DPP10: variants seen among roughly 807,000 people sequenced by gnomAD.
The protein encoded by DPP10 is inactive dipeptidyl peptidase 10.
A neutral mutation model predicts 120.9 loss-of-function variants in DPP10; 33 were observed. The observed-to-expected ratio is 0.27, with a 90% confidence interval of 0.21 to 0.37. The LOEUF is 0.37. Among genes scored for constraint, DPP10 ranks in the 10% least tolerant of loss-of-function variants. The pLI, the probability that DPP10 is intolerant of heterozygous loss-of-function variation, is 1.00. For missense variants in DPP10, 816 were observed against 942.8 expected (o/e 0.87, Z 1.76); for synonymous variants, 337 against 326.1 (o/e 1.03, Z -0.36).
intron 24 of DPP10, among the ~76,000 whole-genome samples, chr2:115,838,869 G>C (rs1486587254): frequency 6.6e-6 from 1 of 152,148 alleles, no homozygotes; most frequent in African/African-American, 2.4e-5. Context: ...TAGGTGCTCA[G>C]TCATGACACT....
intron 1 of DPP10, among the ~76,000 whole-genome samples, chr2:114,800,623 T>C (rs1684110609): frequency 6.6e-6 from 1 of 152,230 alleles, no homozygotes; most frequent in Non-Finnish European, 1.5e-5. Flanking sequence ...CTGATTGTTA[T>C]TGTTCTTCTA....
At chr2:114,946,452 A>G (rs1399264117) in intron 1 of DPP10, among the ~76,000 whole-genome samples, 1 of 152,190 alleles carries the variant, frequency 6.6e-6, no homozygotes, top group Non-Finnish European at 1.5e-5. Context: ...ACACTGAACA[A>G]ATAGTTAAGA....
At chr2:115,565,517 C>T (rs1384975468) in intron 5 of DPP10, among the ~76,000 whole-genome samples, 1 of 151,918 alleles carries the variant, frequency 6.6e-6, no homozygotes, top group Non-Finnish European at 1.5e-5. Flanking sequence ...TCATATTTTG[C>T]CAATTGTTCT....
intron 5 of DPP10, among the ~76,000 whole-genome samples, chr2:115,662,910 T>C (rs1051424841): frequency 2.6e-5 from 4 of 152,212 alleles, no homozygotes; most frequent in African/African-American, 9.6e-5. Flanking sequence ...GTGTTCTTAC[T>C]GTATTTGAGC....
intron 1 of DPP10, among the ~76,000 whole-genome samples, chr2:114,667,407 T>A (rs1171559420): frequency 6.6e-6 from 1 of 152,222 alleles, no homozygotes; most frequent in Non-Finnish European, 1.5e-5. Context: ...AGCTCCTTCT[T>A]CTAACATGCC....
At chr2:115,415,063 T>C (rs1235992004) in intron 3 of DPP10, among the ~76,000 whole-genome samples, 1 of 152,182 alleles carries the variant, frequency 6.6e-6, no homozygotes, top group African/African-American at 2.4e-5. Context: ...TTCTGTTCTT[T>C]AACTATCACT....
intron 3 of DPP10, among the ~76,000 whole-genome samples, chr2:115,428,508 A>G (rs1215993751): frequency 6.6e-6 from 1 of 152,120 alleles, no homozygotes. Context: ...AAGGTGAAGC[A>G]GGAGCTTGCA....
At chr2:115,384,451 AGAAGAAG>A (rs2066706071) in intron 3 of DPP10, among the ~76,000 whole-genome samples, 1 of 47,416 alleles carries the variant, frequency 2.1e-5, no homozygotes, top group African/African-American at 5.5e-5. Flanking sequence ...AGGAGGAAGA[AGAAGAAG>A]GAAGAAGAAG....
At chr2:115,654,023 T>G in intron 5 of DPP10, among the ~76,000 whole-genome samples, 1 of 151,806 alleles carries the variant, frequency 6.6e-6, no homozygotes, top group Admixed American at 6.6e-5. Context: ...GAATAAAAAT[T>G]TTAAAATTCG....
At chr2:114,794,978 A>G (rs1216555508) in intron 1 of DPP10, among the ~76,000 whole-genome samples, 1 of 152,190 alleles carries the variant, frequency 6.6e-6, no homozygotes, top group Non-Finnish European at 1.5e-5. Context: ...GGCAGTCATT[A>G]ATACTTTTGT....
chr2:114,795,069 C>G (rs1683586898), intron 1 of DPP10, among the ~76,000 whole-genome samples: 2 of 152,108 alleles, frequency 1.3e-5, no homozygotes, highest in African/African-American at 4.8e-5. Context: ...ATTTTTTAAA[C>G]TTATTCTTTA....
At chr2:115,490,102 C>T (rs1305700079) in intron 3 of DPP10, among the ~76,000 whole-genome samples, 2 of 152,082 alleles carry the variant, frequency 1.3e-5, no homozygotes, top group African/African-American at 4.8e-5. Context: ...TAGGCTGAAC[C>T]CAGGTACACC....
chr2:115,442,964 G>A (rs2072217136), intron 3 of DPP10, among the ~76,000 whole-genome samples: 1 of 152,154 alleles, frequency 6.6e-6, no homozygotes, highest in South Asian at 2.1e-4. Context: ...AAAAAGGAAG[G>A]TCTGTAACAA....
intron 1 of DPP10, among the ~76,000 whole-genome samples, chr2:114,881,672 G>A (rs1006514280): frequency 6.6e-6 from 1 of 151,430 alleles, no homozygotes; most frequent in Non-Finnish European, 1.5e-5. Flanking sequence ...GGTTTAGTTA[G>A]TGAAATGAAT....
At chr2:114,680,798 A>G (rs1698977077) in intron 1 of DPP10, among the ~76,000 whole-genome samples, 1 of 151,956 alleles carries the variant, frequency 6.6e-6, no homozygotes, top group Admixed American at 6.6e-5. Flanking sequence ...TTACAACTGA[A>G]CTAAAATGAT....
chr2:114,752,050 G>C (rs1679278850), intron 1 of DPP10, among the ~76,000 whole-genome samples: 1 of 152,168 alleles, frequency 6.6e-6, no homozygotes, highest in Non-Finnish European at 1.5e-5. Flanking sequence ...CCTACCCCCA[G>C]AATTTATGAG....
At chr2:115,522,191 T>C (rs2148883033) in intron 4 of DPP10, among the ~76,000 whole-genome samples, 1 of 152,338 alleles carries the variant, frequency 6.6e-6, no homozygotes, top group East Asian at 1.9e-4. Context: ...GGAGCTACTG[T>C]GCTCTTTTAA....
At chr2:115,775,956 T>C (rs1011871487) in intron 13 of DPP10, among the ~76,000 whole-genome samples, 2 of 152,104 alleles carry the variant, frequency 1.3e-5, no homozygotes, top group African/African-American at 4.8e-5. Context: ...AAATCAGTAT[T>C]CAAAAACCTT....
chr2:115,712,361 G>C (rs942022867), intron 7 of DPP10, among the ~76,000 whole-genome samples: 1 of 150,898 alleles, frequency 6.6e-6, no homozygotes, highest in Non-Finnish European at 1.5e-5. Context: ...AGCGATGGGA[G>C]TGGCTGTAAG....
Sources: gnomAD v4.1 joint callset for allele counts (sites outside exome capture counted in the v4.1 genomes callset) on GRCh38, gnomAD v4.1.1 for gene constraint, MANE v1.5 for transcripts, NCBI Gene and HGNC (gene_info 2026-07-23, HGNC 2026-07-21) for gene names.